NFATC1: variants seen among roughly 807,000 people sequenced by gnomAD.
NFATC1 encodes nuclear factor of activated T cells 1.
Under a neutral mutation model 76.0 loss-of-function variants are expected in NFATC1, and 22 were observed. The ratio of observed to expected loss-of-function variants is 0.29; its 90% CI spans 0.21 to 0.41. The LOEUF (loss-of-function observed/expected upper bound fraction) is 0.41. Ranked by LOEUF, NFATC1 falls within the 10% of genes least tolerant of loss-of-function variation. The probability of loss-of-function intolerance (pLI) is 1.00; values close to 1 mark genes in which losing one functional copy is unlikely to be tolerated. For synonymous variants in NFATC1, 704 were observed against 613.1 expected (o/e 1.15, Z -2.19); for missense variants, 1,357 against 1,337.7 (o/e 1.01, Z -0.23).
intron 2 of NFATC1, among the ~76,000 whole-genome samples, chr18:79,426,940 C>T (rs964102851): frequency 6.6e-6 from 1 of 152,242 alleles, no homozygotes; most frequent in South Asian, 2.1e-4. Context: ...GGAAGCTCTG[C>T]AGGAGCTCAG....
intron 1 of NFATC1, among the ~76,000 whole-genome samples, chr18:79,403,162 G>A (rs1231321831): frequency 1.3e-5 from 2 of 152,358 alleles, no homozygotes; most frequent in South Asian, 2.1e-4. Flanking sequence ...GGCCCACGCC[G>A]CTGTGGCCCC....
intron 9 of NFATC1, among the ~76,000 whole-genome samples, chr18:79,492,290 A>G (rs114856241): frequency 0.018 from 2,759 of 152,250 alleles, 75 homozygotes; most frequent in African/African-American, 0.062. Flanking sequence ...CCTCAAAATG[A>G]AAAATGAGGC....
At chr18:79,484,976 G>A (rs1034286683) in intron 8 of NFATC1, among the ~76,000 whole-genome samples, 2 of 152,244 alleles carry the variant, frequency 1.3e-5, no homozygotes, top group Admixed American at 6.5e-5. Context: ...CAGCCGTGGC[G>A]GGGAACAGCT....
At chr18:79,519,699 G>T (rs1361371780) in intron 9 of NFATC1, among the ~76,000 whole-genome samples, 6 of 152,148 alleles carry the variant, frequency 3.9e-5, no homozygotes, top group Admixed American at 6.5e-5. Context: ...CATGTTTTAG[G>T]AATTGCTTTT....
chr18:79,403,680 G>T (rs988650746), intron 1 of NFATC1, among the ~76,000 whole-genome samples: 3 of 152,298 alleles, frequency 2.0e-5, no homozygotes, highest in African/African-American at 7.2e-5. Context: ...GTGTGCCCGG[G>T]TCTGCCACTG....
chr18:79,486,175 C>A, intron 8 of NFATC1, 73 bp from the exon 9 acceptor site: 1 of 1,430,260 alleles, frequency 7.0e-7, no homozygotes, highest in Non-Finnish European at 9.6e-7. Context: ...CGGAGGGTGC[C>A]CCAGCCACAA....
chr18:79,434,417 C>T (rs1033593825), intron 3 of NFATC1, among the ~76,000 whole-genome samples: 7 of 152,228 alleles, frequency 4.6e-5, no homozygotes, highest in African/African-American at 1.7e-4. Flanking sequence ...GGACGGGCAG[C>T]GTCTGCACAG....
At position 79,467,307 on chromosome 18, in the gene NFATC1, G is replaced by T; in HGVS notation, c.1960-143G>T. 4 of 731,932 alleles carry T rather than the reference G, an allele frequency of 5.5e-6. 1 individual carries two copies. The highest frequency in any genetic ancestry group is 2.1e-6 in the Non-Finnish European group (1 of 470,918). 45.3% of individuals were successfully genotyped at this position (731,932 alleles called of 1,614,324 possible). Reference sequence around the variant, plus strand: ...CAGTCCTGTGCTGCCGTGGAAACGCGGGGTTGCCGTGTGGCCGCCGTGGAA... The same window carrying T: ...CAGTCCTGTGCTGCCGTGGAAACGCTGGGTTGCCGTGTGGCCGCCGTGGAA... On this transcript the variant is annotated intron_variant, in intron 7 of 9. Coordinates refer to ENST00000427363, the MANE Select transcript of NFATC1 (RefSeq NM_001278669.2).
intron 2 of NFATC1, among the ~76,000 whole-genome samples, chr18:79,414,037 G>C (rs113640563): frequency 0.015 from 2,222 of 152,220 alleles, 48 homozygotes; most frequent in African/African-American, 0.045. Context: ...CCACTGTTCT[G>C]GTTCCACATC....
At chr18:79,504,881 T>C (rs2090091034) in intron 9 of NFATC1, among the ~76,000 whole-genome samples, 2 of 133,724 alleles carry the variant, frequency 1.5e-5, no homozygotes, top group South Asian at 6.0e-4. Flanking sequence ...GGCAGGAGAC[T>C]GCTGCGTGGG....
chr18:79,437,783 G>C (rs903696673), intron 3 of NFATC1, among the ~76,000 whole-genome samples: 2 of 152,332 alleles, frequency 1.3e-5, no homozygotes, highest in African/African-American at 4.8e-5. Flanking sequence ...TGCTCTCAAC[G>C]GAGCTGGAAC....
At chr18:79,401,135 TG>T (rs1244091256) in intron 1 of NFATC1, among the ~76,000 whole-genome samples, 1 of 140,730 alleles carries the variant, frequency 7.1e-6, no homozygotes, top group Non-Finnish European at 1.6e-5. Context: ...AGCGAGTGAG[TG>T]GGGTGGGCAC....
At chr18:79,406,927 G>A (rs7232354) in intron 1 of NFATC1, among the ~76,000 whole-genome samples, 160 of 152,376 alleles carry the variant, frequency 1.1e-3, no homozygotes, top group Non-Finnish European at 1.7e-3. Context: ...TCACCCAGGC[G>A]TGTGGGGCGT....
intron 1 of NFATC1, among the ~76,000 whole-genome samples, chr18:79,406,488 G>A (rs2085442872): frequency 6.6e-6 from 1 of 152,146 alleles, no homozygotes; most frequent in African/African-American, 2.4e-5. Context: ...GTGCTTTCGG[G>A]TCTCCTGGAG....
rs111869962 is a variant in NFATC1 at position 79,435,758 on chromosome 18, G to A, written c.1386+2020G>A. ...CAGTAATTAAAAATATCTTTAAAATGTACCCTCAACAATTATTCCAAATCA... is the reference window on the plus strand; with the variant it reads ...CAGTAATTAAAAATATCTTTAAAATATACCCTCAACAATTATTCCAAATCA... On this transcript the variant is annotated intron_variant, in intron 3 of 9. Transcript: ENST00000427363. Among the ~76,000 whole-genome samples, 737 of 152,298 alleles carry A rather than the reference G, an allele frequency of 4.8e-3. 4 individuals are homozygous for A. Among genetic ancestry groups the A allele is most frequent in the Middle Eastern group, 6.8e-3 (2 of 294 alleles).
At chr18:79,434,410 CG>C (rs1179440413) in intron 3 of NFATC1, among the ~76,000 whole-genome samples, 3 of 152,224 alleles carry the variant, frequency 2.0e-5, no homozygotes, top group African/African-American at 7.2e-5. Context: ...GCGCCAGGGA[CG>C]GGCAGCGTCT....
intron 1 of NFATC1, chr18:79,400,582 T>G: frequency 7.6e-6 from 8 of 1,058,982 alleles, no homozygotes; most frequent in Non-Finnish European, 7.3e-6. Context: ...ACCCCAGGAG[T>G]CCCCGGCGCG....
intron 2 of NFATC1, among the ~76,000 whole-genome samples, chr18:79,432,363 C>T (rs1304422991): frequency 6.6e-6 from 1 of 151,928 alleles, no homozygotes; most frequent in African/African-American, 2.4e-5. Flanking sequence ...GGGTCTCTGC[C>T]CACACGGAGG....
rs761794893 is a variant in NFATC1, at chr18:79,439,637, A to T, written c.1386+5899A>T. Among the ~76,000 whole-genome samples, 256 of 152,232 alleles carry T rather than the reference A, an allele frequency of 1.7e-3. 1 individual carries two copies. The highest frequency in any genetic ancestry group is 2.9e-3 in the Non-Finnish European group (199 of 68,040). On this transcript the variant is annotated intron_variant, in intron 3 of 9. Coordinates refer to ENST00000427363, the MANE Select transcript of NFATC1 (RefSeq NM_001278669.2). ...ACATACGCCGTTGTTCCCGCAGCCC[A>T]TGCAGCTGGGAGAGCACACATGGTT...
Sources: gnomAD v4.1 joint callset for allele counts (sites outside exome capture counted in the v4.1 genomes callset) on GRCh38, gnomAD v4.1.1 for gene constraint, MANE v1.5 for transcripts, NCBI Gene and HGNC (gene_info 2026-07-23, HGNC 2026-07-21) for gene names.